The following PTPRN variants were observed in gnomAD, a reference collection of about 807,000 sequenced individuals.
PTPRN encodes the protein protein tyrosine phosphatase receptor type N, also known as receptor-type tyrosine-protein phosphatase-like N.
PTPRN carries 70 observed loss-of-function variants against 108.5 expected under a neutral mutation model. That is an observed-to-expected ratio of 0.65 (90% CI 0.53 to 0.79). The LOEUF is 0.79. Among genes scored for constraint, PTPRN ranks in the 30% least tolerant of loss-of-function variants. The probability of loss-of-function intolerance (pLI) is 0.00; values close to 1 mark genes in which losing one functional copy is unlikely to be tolerated. For missense variants in PTPRN, 1,136 were observed against 1,295.5 expected (o/e 0.88, Z 1.89); for synonymous variants, 496 against 524.6 (o/e 0.95, Z 0.75).
Position 219,300,027 on chromosome 2 carries a change from C to A in PTPRN, c.1394G>T (p.Arg465Leu), listed in dbSNP as rs139530025. 2.5e-6 allele frequency: 4 copies of A among 1,614,080 alleles called. No homozygotes were observed. Among genetic ancestry groups the A allele is most frequent in the African/African-American group, 2.7e-5 (2 of 74,936 alleles). The change falls in exon 9 of 23, where the codon CGC (arginine) becomes CTC (leucine). Residue 465 changes from arginine to leucine, a missense_variant. Coordinates refer to ENST00000295718, the MANE Select transcript of PTPRN (RefSeq NM_002846.4). Reference sequence around the variant, plus strand: ...GTAGCCATATTCCTCTGCTGCTGGGCGGGCTGAGGGCTGTCCTGCCACCGT... The same window carrying A: ...GTAGCCATATTCCTCTGCTGCTGGGAGGGCTGAGGGCTGTCCTGCCACCGT... ...QPTVAGQPSA[R>L]PAAEEYGYIV...
chr2:219,307,942 C>A (rs1952525362), intron 1 of PTPRN, 100 bp from the exon 2 acceptor site: 2 of 1,210,666 alleles, frequency 1.7e-6, no homozygotes, highest in Non-Finnish European at 2.4e-6. Context: ...GCAATTTATT[C>A]TTTCATTCTA....
intron 19 of PTPRN, chr2:219,291,762 T>C: frequency 1.7e-6 from 1 of 576,524 alleles, no homozygotes; most frequent in Non-Finnish European, 3.1e-6. Flanking sequence ...CTGGAACAAC[T>C]GATTTAACCT....
chr2:219,290,618 A>T lies in PTPRN; in HGVS notation c.2795-7T>A. 6.4e-7 allele frequency: 1 copy of T among 1,551,498 alleles called. No homozygotes were observed. Among genetic ancestry groups the T allele is most frequent in the Non-Finnish European group, 8.7e-7 (1 of 1,146,770 alleles). Reference sequence around the variant, plus strand: ...ATGTCAATCTCCTTCACTCCTGGAGATGGAGGTGGGGATGGGGCTGCTCAG... The same window carrying T: ...ATGTCAATCTCCTTCACTCCTGGAGTTGGAGGTGGGGATGGGGCTGCTCAG... On this transcript the variant is annotated splice_region_variant and splice_polypyrimidine_tract_variant and intron_variant, in intron 21 of 22. Coordinates refer to ENST00000295718, the MANE Select transcript of PTPRN (RefSeq NM_002846.4). The surrounding 1 kb of genome is among the most constrained non-coding windows in gnomAD (Gnocchi z 4.2).
intron 19 of PTPRN, among the ~76,000 whole-genome samples, chr2:219,293,107 C>T (rs897363314): frequency 1.3e-5 from 2 of 152,136 alleles, no homozygotes; most frequent in South Asian, 4.1e-4. Context: ...CTCAGGGTCA[C>T]TTTCTTAGGG....
Position 219,297,975 on chromosome 2 carries a change from A to G in PTPRN, c.1797T>C (p.Cys599=). 3 of 1,613,854 alleles carry G rather than the reference A, an allele frequency of 1.9e-6. No individual in the cohort carries two copies. Among genetic ancestry groups the G allele is most frequent in the Non-Finnish European group, 2.5e-6 (3 of 1,179,982 alleles). The change falls in exon 13 of 23, where the codon TGT becomes TGC. Residue 599 remains cysteine, a synonymous_variant. Coordinates refer to ENST00000295718, the MANE Select transcript of PTPRN (RefSeq NM_002846.4). This position sits in a 1 kb window ranked among gnomAD's most constrained non-coding sequence, Gnocchi z 6.0. ...CTTGCTGCCGCGCATGCTGCCGCAC[A>G]CACAGAGCCACAGCCAGAGCCACCA... is the stretch of plus-strand genomic sequence containing the variant. The part of the protein sequence containing the change: ...GLLVALAVAL[C]VRQHARQQDK...
rs1239556515 is a variant in PTPRN at position 219,296,172 on chromosome 2, C to G, written c.2508+54G>C. 6.3e-7 allele frequency: 1 copy of G among 1,599,726 alleles called. No individual in the cohort carries two copies. The highest frequency in any genetic ancestry group is 8.6e-7 in the Non-Finnish European group (1 of 1,168,304). ...TGGTGAAGAAAACGTTACGAAAAGGCCATCATCTACTCTTCCCACATCCAT... is the reference window on the plus strand; with the variant it reads ...TGGTGAAGAAAACGTTACGAAAAGGGCATCATCTACTCTTCCCACATCCAT... On this transcript the variant is annotated intron_variant, in intron 18 of 22. Transcript: ENST00000295718. The surrounding 1 kb of genome is among the most constrained non-coding windows in gnomAD (Gnocchi z 6.0).
chr2:219,307,544 C>T lies in PTPRN; in HGVS notation c.180G>A (p.Gly60=). 1 of 1,613,864 alleles carries T rather than the reference C, an allele frequency of 6.2e-7. No individual in the cohort carries two copies. The highest frequency in any genetic ancestry group is 2.2e-5 in the East Asian group (1 of 44,882). Residue 60 remains glycine (G), a synonymous_variant, in exon 3 of 23, where the codon GGG becomes GGA. Transcript: ENST00000295718. ...LEVCIQDGLF[G]QCQVGVGQAR... ...CCTGCCCCACTCCCACCTGGCACTG[C>T]CCAAACAAGCCATCTAAGGGCACAA...
At position 219,290,166 on chromosome 2, in the gene PTPRN, G is replaced by A. The variant is rs1952020399; in HGVS notation, c.*60C>T. 2.7e-6 allele frequency: 4 copies of A among 1,463,794 alleles called. No individual in the cohort carries two copies. Among genetic ancestry groups the A allele is most frequent in the Non-Finnish European group, 3.8e-6 (4 of 1,044,296 alleles). The allele number at this position is 1,463,794 out of a possible 1,614,324, so 90.7% of individuals were successfully genotyped here. On this transcript the variant is annotated 3_prime_UTR_variant, in exon 23 of 23. Transcript: ENST00000295718. The surrounding 1 kb of genome is among the most constrained non-coding windows in gnomAD (Gnocchi z 4.2). ...GGGCAGTGAGGAGTGGGTACACAGA[G>A]ATGCTCACACAGGCAAAGAGGGACA...
chr2:219,291,383 G>A, intron 20 of PTPRN, 87 bp downstream of exon 20: 1 of 1,434,772 alleles, frequency 7.0e-7, no homozygotes, highest in South Asian at 1.1e-5. Flanking sequence ...CCTGCAGTTT[G>A]CTAGCACCAA....
chr2:219,295,997 C>CACACACAT, intron 18 of PTPRN: 1 of 585,466 alleles, frequency 1.7e-6, no homozygotes, highest in Non-Finnish European at 2.9e-6. Flanking sequence ...CACACACACA[C>CACACACAT]ACACACATGT....
chr2:219,309,176 T>TAC, intron 1 of PTPRN, 42 bp downstream of exon 1: 34 of 1,364,318 alleles, frequency 2.5e-5, no homozygotes, highest in Admixed American at 6.3e-5. Context: ...CCCAAGCTGC[T>TAC]CCCCGCCCCC....
At chr2:219,300,678 T>A (rs1952324046) in intron 8 of PTPRN, among the ~76,000 whole-genome samples, 1 of 152,084 alleles carries the variant, frequency 6.6e-6, no homozygotes, top group African/African-American at 2.4e-5. Flanking sequence ...GAAACTTCCC[T>A]CCTCCCCTAG....
chr2:219,303,901 T>C, intron 3 of PTPRN, 70 bp from the exon 4 acceptor site: 1 of 1,197,714 alleles, frequency 8.3e-7, no homozygotes, highest in Non-Finnish European at 1.2e-6. Flanking sequence ...CCACTGGGGA[T>C]CAGAACTGTA....
In PTPRN at chr2:219,294,929, C is replaced by T. The variant is rs986651962; in HGVS notation, c.2675+46G>A. On this transcript the variant is annotated intron_variant, in intron 19 of 22. Coordinates refer to ENST00000295718, the MANE Select transcript of PTPRN (RefSeq NM_002846.4). ...CCGAGCGGCGGGCGGACCCCGGCTCCGCCCCCGCCCATGCGGTCCCTCCAG... is the reference window on the plus strand; with the variant it reads ...CCGAGCGGCGGGCGGACCCCGGCTCTGCCCCCGCCCATGCGGTCCCTCCAG... 5.7e-6 allele frequency: 8 copies of T among 1,409,002 alleles called. No homozygotes were observed. In the African/African-American group the frequency reaches 9.2e-5, roughly 16 times the overall value. 87.3% of individuals were successfully genotyped at this position (1,409,002 alleles called of 1,614,324 possible).
Position 219,296,974 on chromosome 2 carries a change from G to C in PTPRN, c.2236+11C>G, listed in dbSNP as rs758375134. 1.2e-6 allele frequency: 2 copies of C among 1,613,614 alleles called. No homozygotes were observed. The highest frequency in any genetic ancestry group is 1.7e-5 in the Admixed American group (1 of 60,014). ...AGGGCTGGGCCAGGTGGGCCAGCAG[G>C]GTTCACTCACAGGGCAGGAAGTCAG... On this transcript the variant is annotated intron_variant, in intron 15 of 22. Transcript: ENST00000295718. The surrounding 1 kb of genome is among the most constrained non-coding windows in gnomAD (Gnocchi z 6.0).
At position 219,296,378 on chromosome 2, in the gene PTPRN, A is replaced by C. The variant is rs768349062; in HGVS notation, c.2389-33T>G. The C allele has an allele frequency of 3.1e-6, 5 of 1,613,970 alleles. No individual in the cohort carries two copies. In the African/African-American group the frequency reaches 6.7e-5, roughly 22 times the overall value. ...CAGAGACCCAGTTGAGCTCCACTCT[A>C]ACCTCCCTGGGACCTCGTGGCCACA... On this transcript the variant is annotated intron_variant, in intron 17 of 22. Coordinates refer to ENST00000295718, the MANE Select transcript of PTPRN (RefSeq NM_002846.4). The surrounding 1 kb of genome is among the most constrained non-coding windows in gnomAD (Gnocchi z 6.0).
In PTPRN at chr2:219,309,360, G is replaced by C. The variant is rs752708898; in HGVS notation, c.-28C>G. 67 of 1,242,550 alleles carry C rather than the reference G, an allele frequency of 5.4e-5. 1 individual carries two copies. In the East Asian group the frequency reaches 2.0e-3, roughly 36 times the overall value. The allele number at this position is 1,242,550 out of a possible 1,614,324, so 77.0% of individuals were successfully genotyped here. ...TTCCGAGCTCCGGGCGCTCGCTCCCGGGCCGGAGCCGCAGCGACGCTGGCG... is the reference window on the plus strand; with the variant it reads ...TTCCGAGCTCCGGGCGCTCGCTCCCCGGCCGGAGCCGCAGCGACGCTGGCG... On this transcript the variant is annotated 5_prime_UTR_variant, in exon 1 of 23. Coordinates refer to ENST00000295718, the MANE Select transcript of PTPRN (RefSeq NM_002846.4).
intron 7 of PTPRN, among the ~76,000 whole-genome samples, 164 bp downstream of exon 7, chr2:219,301,424 C>T (rs1194500894): frequency 6.6e-6 from 1 of 152,216 alleles, no homozygotes; most frequent in African/African-American, 2.4e-5. Context: ...CCACCCTACC[C>T]CCTTGCTCCC....
chr2:219,309,339 G>A lies in PTPRN; in HGVS notation c.-7C>T, dbSNP rs1310033087. 8 of 1,409,254 alleles carry A rather than the reference G, an allele frequency of 5.7e-6. No individual in the cohort carries two copies. Among genetic ancestry groups the A allele is most frequent in the African/African-American group, 3.1e-5 (2 of 65,456 alleles). The allele number at this position is 1,409,254 out of a possible 1,614,324, so 87.3% of individuals were successfully genotyped here. A position where few individuals can be genotyped will look rare whatever the true frequency, so the allele number is the denominator to read the frequency against. ...GCCGCCGCGGGCGCCGCATCTTTCC[G>A]AGCTCCGGGCGCTCGCTCCCGGGCC... is the stretch of plus-strand genomic sequence containing the variant. On this transcript the variant is annotated 5_prime_UTR_variant, in exon 1 of 23. Transcript: ENST00000295718.
Sources: gnomAD v4.1 joint callset for allele counts (sites outside exome capture counted in the v4.1 genomes callset) on GRCh38, gnomAD v4.1.1 for gene constraint, Gnocchi (gnomAD v3.1) non-coding constraint, MANE v1.5 for transcripts, NCBI Gene and HGNC (gene_info 2026-07-23, HGNC 2026-07-21) for gene names.